The following DLG1 variants were observed in gnomAD, a reference collection of about 807,000 sequenced individuals.
DLG1 encodes the protein disks large homolog 1.
A neutral mutation model predicts 123.4 loss-of-function variants in DLG1; 42 were observed. That is an observed-to-expected ratio of 0.34 (90% confidence interval 0.27 to 0.44). DLG1 has a LOEUF of 0.44. Among genes scored for constraint, DLG1 ranks in the 20% least tolerant of loss-of-function variants. The probability of loss-of-function intolerance (pLI) is 1.00; values close to 1 mark genes in which losing one functional copy is unlikely to be tolerated. For missense variants in DLG1, 942 were observed against 1,082.6 expected, an observed-to-expected ratio of 0.87 and a Z score of 1.82; for synonymous variants, 317 against 356.2, an observed-to-expected ratio of 0.89 and a Z score of 1.24.
chr3:197,165,260 T>A (rs573201557), intron 5 of DLG1, among the ~76,000 whole-genome samples: 49 of 152,340 alleles, frequency 3.2e-4, no homozygotes, highest in African/African-American at 1.1e-3. Flanking sequence ...ATTATTATGA[T>A]CTTTAAGTGT....
intron 12 of DLG1, among the ~76,000 whole-genome samples, chr3:197,116,601 G>A (rs1452089010): frequency 6.6e-6 from 1 of 152,010 alleles, no homozygotes; most frequent in African/African-American, 2.4e-5. Context: ...GTAAATGAAG[G>A]GAAATTTTAT....
intron 24 of DLG1, among the ~76,000 whole-genome samples, chr3:197,045,837 T>C (rs1174728937): frequency 6.6e-6 from 1 of 152,182 alleles, no homozygotes; most frequent in Non-Finnish European, 1.5e-5. Context: ...TGCCCAGTGA[T>C]CTTGGAAGAG....
intron 14 of DLG1, among the ~76,000 whole-genome samples, chr3:197,097,733 A>C (rs1032641253): frequency 1.3e-4 from 19 of 151,686 alleles, no homozygotes; most frequent in Non-Finnish European, 2.7e-4. Flanking sequence ...GGCGTGCACC[A>C]CCACGCCCAG....
At position 197,044,544 on chromosome 3, in the gene DLG1, G is replaced by T; in HGVS notation, c.*79C>A. The T allele has an allele frequency of 3.2e-6, 3 of 934,894 alleles. No homozygotes were observed. The highest frequency in any genetic ancestry group is 5.0e-5 in the East Asian group (2 of 39,942). 57.9% of individuals were successfully genotyped at this position (934,894 alleles called of 1,614,324 possible). The stretch of plus-strand genomic sequence containing the variant: ...AATTCAACATGAAATCAGTACTCAA[G>T]AAAGACTCCAGAGGAAAGGGCAAAG... On this transcript the variant is annotated 3_prime_UTR_variant, in exon 25 of 25. Coordinates refer to ENST00000667157, the MANE Select transcript of DLG1 (RefSeq NM_001366207.1).
At chr3:197,247,995 A>G (rs141613362) in intron 4 of DLG1, among the ~76,000 whole-genome samples, 1 of 152,086 alleles carries the variant, frequency 6.6e-6, no homozygotes, top group East Asian at 1.9e-4. Flanking sequence ...TAAGCCTTTG[A>G]CTTTGACTCC....
intron 24 of DLG1, among the ~76,000 whole-genome samples, chr3:197,051,120 T>C (rs191846502): frequency 1.1e-4 from 17 of 152,310 alleles, no homozygotes; most frequent in African/African-American, 3.8e-4. Flanking sequence ...ACCGCTGTAA[T>C]CCTAGCATTT....
chr3:197,222,471 A>G (rs1428407448), intron 4 of DLG1, among the ~76,000 whole-genome samples: 1 of 152,168 alleles, frequency 6.6e-6, no homozygotes, highest in Non-Finnish European at 1.5e-5. Flanking sequence ...TCTTAAGCAT[A>G]TTTCACCCAG....
At chr3:197,273,105 T>C (rs1168357854) in intron 4 of DLG1, among the ~76,000 whole-genome samples, 1 of 152,106 alleles carries the variant, frequency 6.6e-6, no homozygotes, top group Non-Finnish European at 1.5e-5. Context: ...TGTGTATCTT[T>C]ATGTAAGAAT....
Position 197,138,346 on chromosome 3 carries a change from A to G in DLG1, c.759T>C (p.Asp253=), listed in dbSNP as rs1786146873. ...CTTCAACTGCTTTGCTATGTGTTAC[A>G]TCACGAACATCTACTTCATTTACTC... ...ILRVNEVDVR[D]VTHSKAVEAL... Residue 253 remains aspartate (D), a synonymous_variant, in exon 9 of 25, where the codon GAT becomes GAC. Coordinates refer to ENST00000667157, the MANE Select transcript of DLG1 (RefSeq NM_001366207.1). 1 of 1,571,986 alleles carries G rather than the reference A, an allele frequency of 6.4e-7. No homozygotes were observed. Among genetic ancestry groups the G allele is most frequent in the Admixed American group, 1.7e-5 (1 of 58,136 alleles).
In DLG1 at chr3:197,101,565, A is replaced by G. The variant is rs1763474038; in HGVS notation, c.1546+3338T>C. 2.0e-5 allele frequency among the ~76,000 whole-genome samples: 3 copies of G among 151,958 alleles called. 1 individual carries two copies. The highest frequency in any genetic ancestry group is 4.2e-4 in the South Asian group (2 of 4,806). On this transcript the variant is annotated intron_variant, in intron 14 of 24. Coordinates refer to ENST00000667157, the MANE Select transcript of DLG1 (RefSeq NM_001366207.1). ...CACGCCTGGCTAATTTTGGTTTTGT[A>G]TTTTTAGTAGAGACGGGGTTTCACC...
chr3:197,207,788 A>C (rs1334771714), intron 4 of DLG1, among the ~76,000 whole-genome samples: 1 of 117,964 alleles, frequency 8.5e-6, no homozygotes, highest in East Asian at 2.2e-4. Flanking sequence ...ATAAATAGCA[A>C]GGGGGAAAAT....
chr3:197,126,539 A>G (rs1779227207), intron 11 of DLG1, among the ~76,000 whole-genome samples: 1 of 152,200 alleles, frequency 6.6e-6, no homozygotes, highest in Non-Finnish European at 1.5e-5. Context: ...CACAATGTGC[A>G]CATGGTTATT....
intron 13 of DLG1, among the ~76,000 whole-genome samples, chr3:197,113,862 A>C (rs969895906): frequency 6.6e-6 from 1 of 152,192 alleles, no homozygotes; most frequent in African/African-American, 2.4e-5. Context: ...AAGCTGCTAC[A>C]GTTTCAGCTT....
chr3:197,280,650 C>T (rs1410507004), intron 4 of DLG1, among the ~76,000 whole-genome samples: 8 of 152,048 alleles, frequency 5.3e-5, no homozygotes, highest in Admixed American at 2.0e-4. Context: ...CTTAAACAAT[C>T]GCCTATAAAA....
At chr3:197,210,521 C>G (rs1037579781) in intron 4 of DLG1, among the ~76,000 whole-genome samples, 3 of 142,580 alleles carry the variant, frequency 2.1e-5, no homozygotes, top group Non-Finnish European at 4.7e-5. Context: ...CAAACTAATC[C>G]AATAGGTTAG....
chr3:197,284,861 C>T (rs1019621208), intron 3 of DLG1, among the ~76,000 whole-genome samples: 7 of 152,080 alleles, frequency 4.6e-5, no homozygotes, highest in Admixed American at 3.3e-4. Flanking sequence ...TCTGCAAGTG[C>T]TTTCCCTGTT....
intron 5 of DLG1, among the ~76,000 whole-genome samples, chr3:197,166,898 GA>G (rs951262897): frequency 1.1e-3 from 173 of 151,724 alleles, no homozygotes; most frequent in African/African-American, 4.0e-3. Context: ...GTCTCGGGGG[GA>G]AAAAAACCAC....
chr3:197,057,564 C>T (rs546689858), intron 23 of DLG1, among the ~76,000 whole-genome samples: 1 of 151,760 alleles, frequency 6.6e-6, no homozygotes, highest in East Asian at 1.9e-4. Context: ...CCAATCTGCA[C>T]CCCTAACACT....
chr3:197,263,095 A>G (rs1454411532), intron 4 of DLG1, among the ~76,000 whole-genome samples: 1 of 152,228 alleles, frequency 6.6e-6, no homozygotes, highest in African/African-American at 2.4e-5. Context: ...AAACAATGGA[A>G]GTGATATCTA....
Sources: gnomAD v4.1 joint callset for allele counts (sites outside exome capture counted in the v4.1 genomes callset) on GRCh38, gnomAD v4.1.1 for gene constraint, MANE v1.5 for transcripts, NCBI Gene and HGNC (gene_info 2026-07-23, HGNC 2026-07-21) for gene names.